DIAPH3: variants seen among roughly 807,000 people sequenced by gnomAD.
DIAPH3 encodes diaphanous related formin 3.
Under a neutral mutation model 144.3 loss-of-function variants are expected in DIAPH3, and 117 were observed. The ratio of observed to expected loss-of-function variants is 0.81; its 90% CI spans 0.70 to 0.95. The LOEUF (loss-of-function observed/expected upper bound fraction) is 0.95, where lower values mean the gene tolerates loss of function less well. Ranked by LOEUF, DIAPH3 falls within the 40% of genes least tolerant of loss-of-function variation. The probability of loss-of-function intolerance (pLI) is 0.00; values close to 1 mark genes in which losing one functional copy is unlikely to be tolerated. For missense variants in DIAPH3, 1,421 were observed against 1,412.7 expected, an observed-to-expected ratio of 1.01 and a Z score of -0.09; for synonymous variants, 519 against 488.9, an observed-to-expected ratio of 1.06 and a Z score of -0.81.
chr13:60,029,245 T>G (rs1290181537), intron 5 of DIAPH3, among the ~76,000 whole-genome samples: 1 of 151,806 alleles, frequency 6.6e-6, no homozygotes, highest in Admixed American at 6.6e-5. Flanking sequence ...AGTTTCCACC[T>G]CCAATTTATC....
chr13:59,980,686 C>T (rs2050945690), intron 14 of DIAPH3, 109 bp downstream of exon 14: 1 of 1,019,450 alleles, frequency 9.8e-7, no homozygotes, highest in South Asian at 1.3e-5. Flanking sequence ...ATGCACACAC[C>T]TGAAGCAGAT....
chr13:60,099,697 A>G (rs967835578), intron 3 of DIAPH3, among the ~76,000 whole-genome samples: 2 of 152,204 alleles, frequency 1.3e-5, no homozygotes, highest in Non-Finnish European at 2.9e-5. Flanking sequence ...GCAACAGCAA[A>G]AAAAATAGTT....
intron 3 of DIAPH3, among the ~76,000 whole-genome samples, chr13:60,096,404 C>T (rs539680105): frequency 1.4e-3 from 208 of 152,280 alleles, no homozygotes; most frequent in African/African-American, 4.5e-3. Context: ...TTTGGAAAGA[C>T]ATCTTCATGA....
intron 17 of DIAPH3, among the ~76,000 whole-genome samples, chr13:59,962,084 T>A (rs1441941421): frequency 3.3e-5 from 5 of 151,650 alleles, no homozygotes; most frequent in Non-Finnish European, 7.4e-5. Flanking sequence ...TTCTTTGAAT[T>A]AAAAAAAAGA....
At chr13:59,775,651 C>T (rs1399257831) in intron 25 of DIAPH3, among the ~76,000 whole-genome samples, 1 of 152,114 alleles carries the variant, frequency 6.6e-6, no homozygotes, top group Non-Finnish European at 1.5e-5. Flanking sequence ...ATGCTTCCAA[C>T]AATTGATTTT....
intron 4 of DIAPH3, among the ~76,000 whole-genome samples, chr13:60,049,900 G>A (rs555154087): frequency 6.4e-4 from 97 of 152,302 alleles, no homozygotes; most frequent in African/African-American, 1.8e-3. Flanking sequence ...AGAAAATAAC[G>A]CTTGTGCGGC....
chr13:59,750,726 T>C (rs934902570), intron 27 of DIAPH3, among the ~76,000 whole-genome samples: 45 of 152,214 alleles, frequency 3.0e-4, no homozygotes, highest in African/African-American at 1.1e-3. Context: ...GGTAATGCAG[T>C]TTTAGATGGA....
chr13:59,974,458 T>G lies in DIAPH3; in HGVS notation c.1546-2A>C. 1.9e-6 allele frequency: 3 copies of G among 1,605,742 alleles called. No individual in the cohort carries two copies. The highest frequency in any genetic ancestry group is 2.6e-6 in the Non-Finnish European group (3 of 1,175,426). ...GTGGTCGGTAAACTCTTTTTCAAAC[T>G]GAAACAAATTAAAAATAATAACAAA... On this transcript the variant is annotated splice_acceptor_variant, in intron 14 of 27. Transcript: ENST00000400324. LOFTEE classifies it high-confidence loss of function.
intron 8 of DIAPH3, among the ~76,000 whole-genome samples, chr13:60,010,181 T>C (rs1310467461): frequency 6.6e-6 from 1 of 152,128 alleles, no homozygotes; most frequent in East Asian, 1.9e-4. Context: ...CAGTTTGAAA[T>C]AATTCTATGT....
intron 27 of DIAPH3, among the ~76,000 whole-genome samples, chr13:59,709,794 G>T (rs1052209778): frequency 6.6e-6 from 1 of 152,068 alleles, no homozygotes; most frequent in Non-Finnish European, 1.5e-5. Context: ...ACACATGCAC[G>T]TGTATGTTTA....
intron 5 of DIAPH3, among the ~76,000 whole-genome samples, chr13:60,021,715 TG>T (rs1456859762): frequency 8.7e-5 from 13 of 149,084 alleles, no homozygotes; most frequent in Non-Finnish European, 1.8e-4. Context: ...TTGCCTTTAC[TG>T]GTTTTGAAAA....
At chr13:59,819,034 C>A (rs1019149086) in intron 24 of DIAPH3, among the ~76,000 whole-genome samples, 1 of 151,792 alleles carries the variant, frequency 6.6e-6, no homozygotes, top group African/African-American at 2.4e-5. Context: ...ATCATTTCAC[C>A]AAACAATCCC....
Position 59,879,366 on chromosome 13 carries a change from T to A in DIAPH3, c.2470A>T (p.Ser824Cys), listed in dbSNP as rs1227917146. Residue 824 changes from serine (S) to cysteine (C), a missense_variant, in exon 21 of 28, where the codon AGT (serine) becomes TGT (cysteine). Ser to Cys is a moderately radical substitution (Grantham distance 112). Coordinates refer to ENST00000400324, the MANE Select transcript of DIAPH3 (RefSeq NM_001042517.2). ...NNIKPDIMAV[S>C]TACEEIKKSK... ...TTCTTTATCTCTTCGCAGGCAGTACTGACAGCCATGATGTCAGGTTTGATG... is the reference window on the plus strand; with the variant it reads ...TTCTTTATCTCTTCGCAGGCAGTACAGACAGCCATGATGTCAGGTTTGATG... 1 of 1,613,826 alleles carries A rather than the reference T, an allele frequency of 6.2e-7. No individual in the cohort carries two copies. The highest frequency in any genetic ancestry group is 1.3e-5 in the African/African-American group (1 of 74,920).
intron 27 of DIAPH3, among the ~76,000 whole-genome samples, chr13:59,758,362 ATAG>A (rs1480125783): frequency 2.0e-5 from 3 of 152,246 alleles, no homozygotes; most frequent in Non-Finnish European, 4.4e-5. Flanking sequence ...ATACTAAACA[ATAG>A]TAAGAATAAA....
At chr13:60,021,526 A>T (rs2054020243) in intron 5 of DIAPH3, among the ~76,000 whole-genome samples, 1 of 152,066 alleles carries the variant, frequency 6.6e-6, no homozygotes, top group Admixed American at 6.5e-5. Flanking sequence ...TGGGAGGCTG[A>T]GGCAGGAGAA....
intron 5 of DIAPH3, among the ~76,000 whole-genome samples, chr13:60,028,170 A>C (rs983537737): frequency 6.6e-6 from 1 of 151,938 alleles, no homozygotes; most frequent in Non-Finnish European, 1.5e-5. Context: ...CATTCACTTG[A>C]CCTCAGATAC....
At chr13:59,695,369 A>G (rs2033745520) in intron 27 of DIAPH3, 1 of 152,234 alleles carries the variant, frequency 6.6e-6, no homozygotes, top group African/African-American at 2.4e-5. Context: ...GAGGAATAAT[A>G]CTAAATCTAT....
At chr13:59,762,736 C>T (rs1040057219) in intron 27 of DIAPH3, among the ~76,000 whole-genome samples, 1 of 151,990 alleles carries the variant, frequency 6.6e-6, no homozygotes, top group Admixed American at 6.6e-5. Flanking sequence ...CCCTGATCTT[C>T]CCTGCTATGG....
At chr13:59,702,400 T>C (rs1405376656) in intron 27 of DIAPH3, among the ~76,000 whole-genome samples, 2 of 152,202 alleles carry the variant, frequency 1.3e-5, no homozygotes, top group African/African-American at 4.8e-5. Context: ...TGAAGCGTTA[T>C]ATTGGTCTTG....
Sources: gnomAD v4.1 joint callset for allele counts (sites outside exome capture counted in the v4.1 genomes callset) on GRCh38, gnomAD v4.1.1 for gene constraint, MANE v1.5 for transcripts, NCBI Gene and HGNC (gene_info 2026-07-23, HGNC 2026-07-21) for gene names.